The following SLC25A30 variants were observed in gnomAD, a reference collection of about 807,000 sequenced individuals.
SLC25A30 encodes solute carrier family 25 member 30.
SLC25A30 carries 29 observed loss-of-function variants against 42.7 expected under a neutral mutation model. The ratio of observed to expected loss-of-function variants is 0.68; its 90% confidence interval spans 0.51 to 0.93. The LOEUF (loss-of-function observed/expected upper bound fraction) is 0.93, where lower values mean the gene tolerates loss of function less well. Ranked by LOEUF, SLC25A30 falls within the 40% of genes least tolerant of loss-of-function variation. The probability of loss-of-function intolerance (pLI) is 0.00; values close to 1 mark genes in which losing one functional copy is unlikely to be tolerated. For missense variants in SLC25A30, 300 were observed against 359.7 expected (o/e 0.83, Z 1.34); for synonymous variants, 124 against 131.0 (o/e 0.95, Z 0.37).
chr13:45,410,463 C>A (rs554490582), intron 2 of SLC25A30, among the ~76,000 whole-genome samples: 1 of 152,100 alleles, frequency 6.6e-6, no homozygotes, highest in Non-Finnish European at 1.5e-5. Context: ...GCTTGGGAGT[C>A]GAGACCAGCC....
chr13:45,411,515 C>T (rs530597277), intron 1 of SLC25A30, 35 bp from the exon 2 acceptor site: 42 of 1,325,386 alleles, frequency 3.2e-5, no homozygotes, highest in East Asian at 7.3e-5. Flanking sequence ...CAAGCTGTAA[C>T]TTCTCACACA....
chr13:45,432,787 A>T, the SLC25A30 span, among the ~76,000 whole-genome samples: 1 of 151,894 alleles, frequency 6.6e-6, no homozygotes, highest in East Asian at 1.9e-4. Context: ...CTGTAATCCC[A>T]GCAGGCCAAG....
chr13:45,409,864 T>C (rs769571383), intron 2 of SLC25A30, among the ~76,000 whole-genome samples: 19 of 152,134 alleles, frequency 1.2e-4, no homozygotes, highest in Non-Finnish European at 1.9e-4. Context: ...ATACTGTACC[T>C]AACAAATAGT....
the SLC25A30 span, among the ~76,000 whole-genome samples, chr13:45,428,584 G>A: frequency 5.7e-5 from 8 of 139,198 alleles, no homozygotes; most frequent in East Asian, 1.0e-3. Context: ...GTGCAGTGGC[G>A]TGATCTCTGC....
intron 7 of SLC25A30, among the ~76,000 whole-genome samples, chr13:45,399,988 A>C (rs752606715): frequency 7.0e-5 from 10 of 143,702 alleles, no homozygotes; most frequent in Non-Finnish European, 1.2e-4. Flanking sequence ...GTCTCCACAC[A>C]TTGCCCACCA....
Position 45,394,697 on chromosome 13 carries a change from G to T in SLC25A30, c.*1277C>A, listed in dbSNP as rs1239370984. ...AGTAAAGAATAAGAAAATAGAAAAAGAAAAAAAGAAGAGGGAGAATGACTT... is the reference window on the plus strand; with the variant it reads ...AGTAAAGAATAAGAAAATAGAAAAATAAAAAAAGAAGAGGGAGAATGACTT... On this transcript the variant is annotated 3_prime_UTR_variant, in exon 10 of 10. Transcript: ENST00000519676. 3.0e-6 allele frequency: 3 copies of T among 984,268 alleles called. No homozygotes were observed. The highest frequency in any genetic ancestry group is 3.6e-6 in the Non-Finnish European group (3 of 829,382). The allele number at this position is 984,268 out of a possible 1,614,324, so 61.0% of individuals were successfully genotyped here. A position where few individuals can be genotyped will look rare whatever the true frequency, so the allele number is the denominator to read the frequency against.
intron 3 of SLC25A30, among the ~76,000 whole-genome samples, chr13:45,407,825 C>G (rs1231083160): frequency 6.6e-6 from 1 of 152,226 alleles, no homozygotes; most frequent in Non-Finnish European, 1.5e-5. Flanking sequence ...GCTCCTCCTT[C>G]CCTTCTACCC....
intron 3 of SLC25A30, among the ~76,000 whole-genome samples, chr13:45,407,227 G>A (rs757164803): frequency 3.8e-4 from 58 of 152,104 alleles, no homozygotes; most frequent in Admixed American, 1.4e-3. Flanking sequence ...GTAAAACCCC[G>A]TCTCTACTAA....
upstream of SLC25A30, among the ~76,000 whole-genome samples, chr13:45,422,881 C>G (rs145937329): frequency 6.6e-4 from 101 of 152,240 alleles, no homozygotes; most frequent in African/African-American, 2.4e-3. Context: ...CTAAGCCCTT[C>G]TCATCCATCA....
the SLC25A30 span, among the ~76,000 whole-genome samples, chr13:45,429,044 T>A: frequency 1.3e-5 from 2 of 148,308 alleles, no homozygotes; most frequent in Admixed American, 6.8e-5. Context: ...AAAAGTTACA[T>A]ATGTGCAAGC....
chr13:45,416,496 G>A (rs1214176418), intron 1 of SLC25A30, among the ~76,000 whole-genome samples: 2 of 152,106 alleles, frequency 1.3e-5, no homozygotes, highest in Admixed American at 1.3e-4. Flanking sequence ...AGCTGGGCTA[G>A]TCACACATAC....
At chr13:45,398,783 G>T in intron 8 of SLC25A30, 157 bp downstream of exon 8, 1 of 607,732 alleles carries the variant, frequency 1.6e-6, no homozygotes, top group Non-Finnish European at 2.7e-6. Flanking sequence ...ATTTATAAAA[G>T]CTAAGCACAG....
chr13:45,425,763 G>A, the SLC25A30 span, among the ~76,000 whole-genome samples: 8,602 of 144,376 alleles, frequency 0.06, 351 homozygotes, highest in East Asian at 0.13. Flanking sequence ...TGGGAACTCG[G>A]CTCACTGCCG....
Position 45,405,863 on chromosome 13 carries a change from A to G in SLC25A30, c.307+20T>C, listed in dbSNP as rs1285051399. Reference sequence around the variant, plus strand: ...ACAACCAACCTCCTGTCCACAGTGGAAAACAGATTCCCCACTCACCTTCTG... The same window carrying G: ...ACAACCAACCTCCTGTCCACAGTGGGAAACAGATTCCCCACTCACCTTCTG... On this transcript the variant is annotated intron_variant, in intron 4 of 9. Coordinates refer to ENST00000519676, the MANE Select transcript of SLC25A30 (RefSeq NM_001010875.4). The G allele has an allele frequency of 6.2e-7, 1 of 1,610,426 alleles. No individual in the cohort carries two copies. The highest frequency in any genetic ancestry group is 8.5e-7 in the Non-Finnish European group (1 of 1,176,846).
the SLC25A30 span, among the ~76,000 whole-genome samples, chr13:45,431,211 C>G: frequency 6.7e-6 from 1 of 148,648 alleles, no homozygotes; most frequent in East Asian, 2.0e-4. Flanking sequence ...CCACACCCGG[C>G]TAATTTTGTA....
intron 2 of SLC25A30, among the ~76,000 whole-genome samples, chr13:45,409,979 C>T (rs111537659): frequency 2.6e-5 from 4 of 152,148 alleles, no homozygotes; most frequent in Non-Finnish European, 5.9e-5. Context: ...TGGGTGGTTA[C>T]CACGGCTCAT....
chr13:45,423,157 G>A (rs74354216), upstream of SLC25A30, among the ~76,000 whole-genome samples: 399 of 152,188 alleles, frequency 2.6e-3, 2 homozygotes, highest in African/African-American at 9.0e-3. Context: ...CACATTTGGA[G>A]AGTCTCTATA....
At chr13:45,423,346 G>C (rs530275301), upstream of SLC25A30, among the ~76,000 whole-genome samples, 3 of 151,364 alleles carry the variant, frequency 2.0e-5, no homozygotes, top group Non-Finnish European at 2.9e-5. Context: ...GTGAAGTCTG[G>C]TGAGCTGTAC....
At chr13:45,424,795 T>A in the SLC25A30 span, among the ~76,000 whole-genome samples, 2 of 62,150 alleles carry the variant, frequency 3.2e-5, no homozygotes, top group African/African-American at 6.0e-5. Flanking sequence ...TATAAAAGAA[T>A]ATAAATATAT....
Sources: gnomAD v4.1 joint callset for allele counts (sites outside exome capture counted in the v4.1 genomes callset) on GRCh38, gnomAD v4.1.1 for gene constraint, MANE v1.5 for transcripts, NCBI Gene and HGNC (gene_info 2026-07-23, HGNC 2026-07-21) for gene names.